Variants in CIITA observed in about 807,000 individuals in gnomAD.
CIITA encodes MHC class II transactivator.
A neutral mutation model predicts 115.1 loss-of-function variants in CIITA; 72 were observed. That is an observed-to-expected ratio of 0.63 (90% confidence interval 0.52 to 0.76). The LOEUF is 0.76. Ranked by LOEUF, CIITA falls within the 30% of genes least tolerant of loss-of-function variation. The probability of loss-of-function intolerance (pLI) is 0.00; values close to 1 mark genes in which losing one functional copy is unlikely to be tolerated. For synonymous variants in CIITA, 763 were observed against 635.6 expected, an observed-to-expected ratio of 1.20 and a Z score of -3.02; for missense variants, 1,617 against 1,463.8, an observed-to-expected ratio of 1.10 and a Z score of -1.71.
chr16:10,922,626 G>C (rs1286194595), intron 18 of CIITA, 136 bp downstream of exon 18: 4 of 854,870 alleles, frequency 4.7e-6, no homozygotes, highest in Non-Finnish European at 7.8e-6. Context: ...TCCCCCTCTG[G>C]CTTCAGCTTC....
intron 8 of CIITA, 96 bp from the exon 9 acceptor site, chr16:10,903,635 T>G: frequency 1.3e-5 from 17 of 1,321,978 alleles, no homozygotes; most frequent in Non-Finnish European, 1.7e-5. Context: ...CCAGACTTCC[T>G]GAGCTCCACA....
upstream of CIITA, among the ~76,000 whole-genome samples, chr16:10,874,769 G>A (rs2035714829): frequency 6.6e-6 from 1 of 152,116 alleles, no homozygotes; most frequent in Non-Finnish European, 1.5e-5. Context: ...GGTGAGAGAT[G>A]GTAGTCCTGG....
intron 13 of CIITA, among the ~76,000 whole-genome samples, chr16:10,914,891 G>T (rs1233261266): frequency 2.0e-5 from 3 of 152,140 alleles, no homozygotes; most frequent in Admixed American, 2.0e-4. Context: ...TTTACCACTG[G>T]CAGTGGTCGT....
Position 10,904,823 on chromosome 16 carries a change from C to G in CIITA, c.1006+11C>G. 1.2e-6 allele frequency: 2 copies of G among 1,613,948 alleles called. No homozygotes were observed. Among genetic ancestry groups the G allele is most frequent in the Non-Finnish European group, 1.7e-6 (2 of 1,179,816 alleles). Reference sequence around the variant, plus strand: ...TTCCAAAATGGCCTGGTGAGTGATGCGGGATCTCTCTGCCCTGGGTGGTGG... The same window carrying G: ...TTCCAAAATGGCCTGGTGAGTGATGGGGGATCTCTCTGCCCTGGGTGGTGG... On this transcript the variant is annotated intron_variant, in intron 10 of 19. Coordinates refer to ENST00000324288, the MANE Select transcript of CIITA (RefSeq NM_000246.4).
intron 1 of CIITA, among the ~76,000 whole-genome samples, chr16:10,866,876 G>C (rs1460327920): frequency 6.6e-6 from 1 of 152,206 alleles, no homozygotes; most frequent in Non-Finnish European, 1.5e-5. Flanking sequence ...TGGATGGACA[G>C]ATCAGCTCCT....
intron 16 of CIITA, among the ~76,000 whole-genome samples, chr16:10,921,864 T>G (rs2040289643): frequency 6.6e-6 from 1 of 152,192 alleles, no homozygotes; most frequent in Non-Finnish European, 1.5e-5. Flanking sequence ...CAGGGGACAC[T>G]GAGATCCTAG....
rs1398559243 is a variant in CIITA at position 10,898,708 on chromosome 16, G to A, written c.334G>A (p.Glu112Lys). ...DQYVFQDSQL[E>K]GLSKDIFKHI... The stretch of plus-strand genomic sequence containing the variant: ...GTATGTCTTCCAGGACTCCCAGCTG[G>A]AGGGCCTGAGCAAGGACATTTTCAG... Residue 112 changes from glutamate to lysine, a missense_variant, in exon 4 of 20, where the codon GAG becomes AAG. Transcript: ENST00000324288. The A allele has an allele frequency of 1.2e-6, 2 of 1,611,998 alleles. No individual in the cohort carries two copies. Among genetic ancestry groups the A allele is most frequent in the Non-Finnish European group, 1.7e-6 (2 of 1,179,186 alleles).
intron 13 of CIITA, among the ~76,000 whole-genome samples, chr16:10,910,692 C>G (rs7204799): frequency 0.92 from 140,442 of 152,224 alleles, 64,900 homozygotes; most frequent in East Asian, 1. Flanking sequence ...ATTGTAATTT[C>G]GCCAGGGATC....
intron 9 of CIITA, 47 bp downstream of exon 9, chr16:10,903,942 G>A (rs1282434662): frequency 6.2e-7 from 1 of 1,612,432 alleles, no homozygotes; most frequent in Non-Finnish European, 8.5e-7. Flanking sequence ...CAGGATCGAG[G>A]CCCTGGGGAA....
rs2041006361 is a variant in CIITA at position 10,935,958 on chromosome 16, T to G, written c.*12103T>G. 1 of 151,794 alleles carries G rather than the reference T, an allele frequency of 6.6e-6. No homozygotes were observed. The highest frequency in any genetic ancestry group is 2.4e-5 in the African/African-American group (1 of 41,358). The allele number at this position is 151,794 out of a possible 1,614,324, so 9.4% of individuals were successfully genotyped here. ...TGCATCTTGGACCTCAACTCTCCCCTTTTTATTGTTAAGGGACACTACTGG... is the reference window on the plus strand; with the variant it reads ...TGCATCTTGGACCTCAACTCTCCCCGTTTTATTGTTAAGGGACACTACTGG... On this transcript the variant is annotated 3_prime_UTR_variant, in exon 20 of 20. Transcript: ENST00000324288.
At chr16:10,869,395 G>A (rs1305364027) in intron 1 of CIITA, among the ~76,000 whole-genome samples, 3 of 152,074 alleles carry the variant, frequency 2.0e-5, no homozygotes, top group African/African-American at 7.3e-5. Flanking sequence ...GCATTTTCTT[G>A]GTCAACCTCC....
chr16:10,915,463 G>T, intron 13 of CIITA, 107 bp from the exon 14 acceptor site: 1 of 838,670 alleles, frequency 1.2e-6, no homozygotes, highest in Non-Finnish European at 2.1e-6. Context: ...AAGAGGAGGG[G>T]CCTCAGACAG....
rs533617571 is a variant in CIITA at position 10,916,363 on chromosome 16, G to A, written c.2970-4G>A. The A allele has an allele frequency of 6.2e-7, 1 of 1,613,602 alleles. No individual in the cohort carries two copies. The highest frequency in any genetic ancestry group is 1.7e-5 in the Admixed American group (1 of 59,958). The stretch of plus-strand genomic sequence containing the variant: ...TGATGGCCCCCATCTGATTCCACCT[G>A]CAGCCTGGATGCGCTGAGTGAGAAC... On this transcript the variant is annotated splice_region_variant and splice_polypyrimidine_tract_variant and intron_variant, in intron 14 of 19. Transcript: ENST00000324288.
At chr16:10,885,078 G>A (rs2036804538) in intron 1 of CIITA, among the ~76,000 whole-genome samples, 1 of 152,172 alleles carries the variant, frequency 6.6e-6, no homozygotes, top group Non-Finnish European at 1.5e-5. Context: ...GAGTAGTGGG[G>A]CCTCTGGTAA....
intron 1 of CIITA, among the ~76,000 whole-genome samples, chr16:10,886,672 T>C (rs562640195): frequency 1.3e-5 from 2 of 152,376 alleles, no homozygotes; most frequent in African/African-American, 4.8e-5. Flanking sequence ...GTCACTTTGC[T>C]GTTTTATTTT....
Position 10,922,487 on chromosome 16 carries a change from TGGCGTAAGTCCA to T in CIITA, c.3317+1_3317+12del. 6.2e-7 allele frequency: 1 copy of T among 1,613,978 alleles called. No individual in the cohort carries two copies. Among genetic ancestry groups the T allele is most frequent in the Non-Finnish European group, 8.5e-7 (1 of 1,179,882 alleles). On this transcript the variant is annotated splice_donor_variant and splice_donor_5th_base_variant and coding_sequence_variant and intron_variant, in exon 18 of 20. Coordinates refer to ENST00000324288, the MANE Select transcript of CIITA (RefSeq NM_000246.4). LOFTEE classifies it high-confidence loss of function. ...CGGAGGTGTCCTCATGTGGAGACGC[TGGCGTAAGTCCA>T]GGCAACCCTGGTGGGTGGAGAACAA...
At position 10,912,208 on chromosome 16, in the gene CIITA, G is replaced by A. The variant is rs561873832; in HGVS notation, c.2888+1949G>A. ...TGGCTCACTGCAATCTCCACCTCTC[G>A]GTTCAAGCAATTTTCCTGCCTCAGC... On this transcript the variant is annotated intron_variant, in intron 13 of 19. Transcript: ENST00000324288. Among the ~76,000 whole-genome samples the A allele has an allele frequency of 8.5e-5, 13 of 152,088 alleles. No individual in the cohort carries two copies. The South Asian group carries it at 2.1e-3, about 24-fold the overall frequency.
chr16:10,889,273 T>C lies in CIITA; in HGVS notation c.53-6009T>C, dbSNP rs113759020. On this transcript the variant is annotated intron_variant, in intron 1 of 19. Transcript: ENST00000324288. ...CTTTGAAGCACTTCCTAAGCATCTATAGACATAGGAAACTTGGCTCTGGGG... is the reference window on the plus strand; with the variant it reads ...CTTTGAAGCACTTCCTAAGCATCTACAGACATAGGAAACTTGGCTCTGGGG... Among the ~76,000 whole-genome samples, 391 of 152,252 alleles carry C rather than the reference T, an allele frequency of 2.6e-3. 1 individual carries two copies. Among genetic ancestry groups the C allele is most frequent in the African/African-American group, 8.5e-3 (355 of 41,544 alleles).
rs2040662648 is a variant in CIITA, at chr16:10,929,126, G to T, written c.*5271G>T. On this transcript the variant is annotated 3_prime_UTR_variant, in exon 20 of 20. Transcript: ENST00000324288. This position sits in a 1 kb window ranked among gnomAD's most constrained non-coding sequence, Gnocchi z 4.3. The stretch of plus-strand genomic sequence containing the variant: ...CCTCAGCCCCCCAACAGCTTCCTCA[G>T]CTTCTTTTTCTTCTGAGTCACCCCT... The T allele has an allele frequency of 2.4e-6, 2 of 821,400 alleles. No homozygotes were observed. The highest frequency in any genetic ancestry group is 2.9e-6 in the Non-Finnish European group (2 of 680,368). 50.9% of individuals were successfully genotyped at this position (821,400 alleles called of 1,614,324 possible). A position where few individuals can be genotyped will look rare whatever the true frequency, so the allele number is the denominator to read the frequency against.
Sources: gnomAD v4.1 joint callset for allele counts (sites outside exome capture counted in the v4.1 genomes callset) on GRCh38, gnomAD v4.1.1 for gene constraint, Gnocchi (gnomAD v3.1) non-coding constraint, MANE v1.5 for transcripts, NCBI Gene and HGNC (gene_info 2026-07-23, HGNC 2026-07-21) for gene names.